The following SNX21 variants were observed in gnomAD, a reference collection of about 807,000 sequenced individuals.
The protein encoded by SNX21 is sorting nexin family member 21, also known as sorting nexin-21.
In SNX21, 36 loss-of-function variants were observed where a neutral mutation model predicts 30.9. That is an observed-to-expected ratio of 1.16 (90% CI 0.89 to 1.54). The LOEUF (loss-of-function observed/expected upper bound fraction) is 1.54. Ranked by LOEUF, SNX21 falls within the 40% of genes most tolerant of loss-of-function variation. The pLI is 0.00. For missense variants in SNX21, 508 were observed against 516.5 expected (o/e 0.98, Z 0.16); for synonymous variants, 218 against 222.7 (o/e 0.98, Z 0.19).
Position 45,840,958 on chromosome 20 carries a change from A to C in SNX21, c.767A>C (p.Tyr256Ser). 6.2e-7 allele frequency: 1 copy of C among 1,610,870 alleles called. No individual in the cohort carries two copies. Among genetic ancestry groups the C allele is most frequent in the South Asian group, 1.1e-5 (1 of 90,896 alleles). Residue 256 changes from tyrosine (Y) to serine (S), a missense_variant, in exon 4 of 4, where the codon TAT (tyrosine) becomes TCT (serine). Coordinates refer to ENST00000491381, the MANE Select transcript of SNX21 (RefSeq NM_033421.4). ...RAQSLTCTGL[Y>S]REALALWANA... ...CAGAGCCTCACCTGTACTGGCCTCT[A>C]TCGTGAGGCTCTGGCACTCTGGGCC...
At position 45,841,318 on chromosome 20, in the gene SNX21, T is replaced by C; in HGVS notation, c.*5T>C. 5.9e-6 allele frequency: 9 copies of C among 1,536,980 alleles called. No individual in the cohort carries two copies. The highest frequency in any genetic ancestry group is 2.1e-5 in the Admixed American group (1 of 46,954). ...ATCAAGGAGGTGCTGGACTAACCCTTGCCTAGATTTAAGGCCACTGTGAGG... is the reference window on the plus strand; with the variant it reads ...ATCAAGGAGGTGCTGGACTAACCCTCGCCTAGATTTAAGGCCACTGTGAGG... On this transcript the variant is annotated 3_prime_UTR_variant, in exon 4 of 4. Transcript: ENST00000491381.
At chr20:45,838,437 C>T (rs1983726376) in intron 3 of SNX21, 1 of 150,446 alleles carries the variant, frequency 6.6e-6, no homozygotes, top group Non-Finnish European at 1.5e-5. Context: ...GAAAGTCTCA[C>T]TTGCCACCGA....
intron 3 of SNX21, chr20:45,840,033 C>T (rs998325191): frequency 4.9e-5 from 26 of 529,864 alleles, no homozygotes; most frequent in South Asian, 8.2e-5. Flanking sequence ...CTGACTTGAC[C>T]GAGCACTTCC....
At chr20:45,839,068 T>A (rs1983784154) in intron 3 of SNX21, among the ~76,000 whole-genome samples, 1 of 152,022 alleles carries the variant, frequency 6.6e-6, no homozygotes, top group East Asian at 2.0e-4. Flanking sequence ...TAATTTTGCA[T>A]TTTTAGTAGA....
rs1984259334 is a variant in SNX21 at position 45,842,292 on chromosome 20, C to A, written c.*979C>A. ...CTCCTCCCACAGGAACCCCAGTTGACAGTTTAAAAGCACTTTCACACCTCT... is the reference window on the plus strand; with the variant it reads ...CTCCTCCCACAGGAACCCCAGTTGAAAGTTTAAAAGCACTTTCACACCTCT... On this transcript the variant is annotated 3_prime_UTR_variant, in exon 4 of 4. Transcript: ENST00000491381. The A allele has an allele frequency of 1.4e-6, 2 of 1,425,988 alleles. No homozygotes were observed. The highest frequency in any genetic ancestry group is 2.9e-5 in the Admixed American group (1 of 33,998). The allele number at this position is 1,425,988 out of a possible 1,614,324, so 88.3% of individuals were successfully genotyped here. A position where few individuals can be genotyped will look rare whatever the true frequency, so the allele number is the denominator to read the frequency against.
Position 45,835,029 on chromosome 20 carries a change from G to C in SNX21, c.360G>C (p.Lys120Asn). The C allele has an allele frequency of 6.2e-7, 1 of 1,614,206 alleles. No individual in the cohort carries two copies. The highest frequency in any genetic ancestry group is 8.5e-7 in the Non-Finnish European group (1 of 1,180,036). Reference sequence around the variant, plus strand: ...CGCGGCAGCTGCAGGATTTCTGGAAGAAGTCCCGGAACACCTTGGCACCCC... The same window carrying C: ...CGCGGCAGCTGCAGGATTTCTGGAACAAGTCCCGGAACACCTTGGCACCCC... ...LLARQLQDFW[K>N]KSRNTLAPQR... Residue 120 changes from lysine (K) to asparagine (N), a missense_variant, in exon 3 of 4, where the codon AAG (lysine) becomes AAC (asparagine). Coordinates refer to ENST00000491381, the MANE Select transcript of SNX21 (RefSeq NM_033421.4).
chr20:45,841,121 G>A lies in SNX21; in HGVS notation c.930G>A (p.Leu310=). 6.2e-7 allele frequency: 1 copy of A among 1,611,206 alleles called. No homozygotes were observed. Among genetic ancestry groups the A allele is most frequent in the Non-Finnish European group, 8.5e-7 (1 of 1,179,132 alleles). Residue 310 remains leucine (L), a synonymous_variant, in exon 4 of 4, where the codon CTG becomes CTA. Coordinates refer to ENST00000491381, the MANE Select transcript of SNX21 (RefSeq NM_033421.4). ...GEARACCEKA[L]QLLGDKSLHP... ...CCCGGGCATGCTGTGAGAAGGCCCTGCAGCTGCTTGGGGACAAGAGCCTCC... is the reference window on the plus strand; with the variant it reads ...CCCGGGCATGCTGTGAGAAGGCCCTACAGCTGCTTGGGGACAAGAGCCTCC...
chr20:45,841,386 C>T lies in SNX21; in HGVS notation c.*73C>T. The T allele has an allele frequency of 2.0e-6, 3 of 1,505,302 alleles. No homozygotes were observed. Among genetic ancestry groups the T allele is most frequent in the Middle Eastern group, 1.8e-4 (1 of 5,568 alleles). The allele number at this position is 1,505,302 out of a possible 1,614,324, so 93.2% of individuals were successfully genotyped here. A position where few individuals can be genotyped will look rare whatever the true frequency, so the allele number is the denominator to read the frequency against. On this transcript the variant is annotated 3_prime_UTR_variant, in exon 4 of 4. Transcript: ENST00000491381. The stretch of plus-strand genomic sequence containing the variant: ...AGGCAGGGGAAGGACCTGATGAGAA[C>T]AGAATAGCTGGGAGGCTGCAGAGGG...
chr20:45,842,667 C>T lies in SNX21; in HGVS notation c.*1354C>T. On this transcript the variant is annotated 3_prime_UTR_variant, in exon 4 of 4. Coordinates refer to ENST00000491381, the MANE Select transcript of SNX21 (RefSeq NM_033421.4). ...CACATAGCAGAGCTCACTCAGTTCTCACAGTAGCCAAATGAAGCAGTTATG... is the reference window on the plus strand; with the variant it reads ...CACATAGCAGAGCTCACTCAGTTCTTACAGTAGCCAAATGAAGCAGTTATG... 1.0e-6 allele frequency: 1 copy of T among 989,686 alleles called. No homozygotes were observed. Among genetic ancestry groups the T allele is most frequent in the Non-Finnish European group, 1.2e-6 (1 of 832,512 alleles). The allele number at this position is 989,686 out of a possible 1,614,324, so 61.3% of individuals were successfully genotyped here.
chr20:45,841,892 A>G lies in SNX21; in HGVS notation c.*579A>G. 6.2e-7 allele frequency: 1 copy of G among 1,612,010 alleles called. No homozygotes were observed. On this transcript the variant is annotated 3_prime_UTR_variant, in exon 4 of 4. Transcript: ENST00000491381. ...TCACTCGGATCACGCCCTCCTGGGCACAGGTCACAGCTAGGACTCCATCCT... is the reference window on the plus strand; with the variant it reads ...TCACTCGGATCACGCCCTCCTGGGCGCAGGTCACAGCTAGGACTCCATCCT...
chr20:45,836,927 A>G (rs1983597117), intron 3 of SNX21, among the ~76,000 whole-genome samples: 1 of 152,162 alleles, frequency 6.6e-6, no homozygotes, highest in South Asian at 2.1e-4. Context: ...AATCAGATCA[A>G]CCTGAGTTTA....
At chr20:45,836,079 T>C (rs1209737871) in intron 3 of SNX21, among the ~76,000 whole-genome samples, 1 of 152,216 alleles carries the variant, frequency 6.6e-6, no homozygotes, top group Non-Finnish European at 1.5e-5. Flanking sequence ...GGAGGGGGCC[T>C]GGAGCCCAGT....
At chr20:45,834,920 G>C (rs775021044) in intron 2 of SNX21, 39 bp from the exon 3 acceptor site, 1 of 1,600,364 alleles carries the variant, frequency 6.2e-7, no homozygotes, top group Admixed American at 1.7e-5. Context: ...GTCGACCCTG[G>C]CCCTAGGCCC....
rs1203781084 is a variant in SNX21, at chr20:45,843,212, G to A, written c.*1899G>A. 4.0e-6 allele frequency: 2 copies of A among 501,008 alleles called. No individual in the cohort carries two copies. The highest frequency in any genetic ancestry group is 7.1e-6 in the Non-Finnish European group (2 of 281,170). 31.0% of individuals were successfully genotyped at this position (501,008 alleles called of 1,614,324 possible). A position where few individuals can be genotyped will look rare whatever the true frequency, so the allele number is the denominator to read the frequency against. On this transcript the variant is annotated 3_prime_UTR_variant, in exon 4 of 4. Coordinates refer to ENST00000491381, the MANE Select transcript of SNX21 (RefSeq NM_033421.4). ...GTAATGTAACCCTCTTTGTTTAGAT[G>A]AGGAAACTGAGGTTCAGATGGAAGA...
Position 45,841,873 on chromosome 20 carries a change from G to A in SNX21, c.*560G>A, listed in dbSNP as rs143518276. 6.8e-6 allele frequency: 11 copies of A among 1,608,902 alleles called. No individual in the cohort carries two copies. Among genetic ancestry groups the A allele is most frequent in the African/African-American group, 1.3e-5 (1 of 74,870 alleles). On this transcript the variant is annotated 3_prime_UTR_variant, in exon 4 of 4. Coordinates refer to ENST00000491381, the MANE Select transcript of SNX21 (RefSeq NM_033421.4). ...CTCTCTGAGACCTGGGGCTTCACTC[G>A]GATCACGCCCTCCTGGGCACAGGTC...
At position 45,840,659 on chromosome 20, in the gene SNX21, C is replaced by A. The variant is rs756609480; in HGVS notation, c.468C>A (p.Ile156=). ...TGCAGCTCTACACCCTCGCCGTGATCGGCCCAGGACCGCCAGATTGCCAGC... is the reference window on the plus strand; with the variant it reads ...TGCAGCTCTACACCCTCGCCGTGATAGGCCCAGGACCGCCAGATTGCCAGC... The part of the protein sequence containing the change: ...SKYVLYTLAV[I]GPGPPDCQPA... The change falls in exon 4 of 4, where the codon ATC becomes ATA. Residue 156 remains isoleucine (I), a synonymous_variant. Transcript: ENST00000491381. 1 of 1,614,156 alleles carries A rather than the reference C, an allele frequency of 6.2e-7. No homozygotes were observed. Among genetic ancestry groups the A allele is most frequent in the Admixed American group, 1.7e-5 (1 of 60,030 alleles).
chr20:45,841,444 T>C lies in SNX21; in HGVS notation c.*131T>C. 6.9e-7 allele frequency: 1 copy of C among 1,445,652 alleles called. No homozygotes were observed. The highest frequency in any genetic ancestry group is 2.5e-5 in the East Asian group (1 of 40,216). The allele number at this position is 1,445,652 out of a possible 1,614,324, so 89.6% of individuals were successfully genotyped here. A position where few individuals can be genotyped will look rare whatever the true frequency, so the allele number is the denominator to read the frequency against. ...AGCCCCTAGAAGTTCCAAAAGAGAATGTGAAGCAGATCAAGGAAACTTCTG... is the reference window on the plus strand; with the variant it reads ...AGCCCCTAGAAGTTCCAAAAGAGAACGTGAAGCAGATCAAGGAAACTTCTG... On this transcript the variant is annotated 3_prime_UTR_variant, in exon 4 of 4. Coordinates refer to ENST00000491381, the MANE Select transcript of SNX21 (RefSeq NM_033421.4).
In SNX21 at chr20:45,841,139, G is replaced by T. The variant is rs140975852; in HGVS notation, c.948G>T (p.Lys316Asn). The change falls in exon 4 of 4, where the codon AAG becomes AAT. Residue 316 changes from lysine to asparagine, a missense_variant. Physicochemically the swap from Lys to Asn is moderately conservative, Grantham distance 94. Coordinates refer to ENST00000491381, the MANE Select transcript of SNX21 (RefSeq NM_033421.4). ...AGGCCCTGCAGCTGCTTGGGGACAA[G>T]AGCCTCCACCCTTTGCTGGCACCCT... is the stretch of plus-strand genomic sequence containing the variant. ...CEKALQLLGD[K>N]SLHPLLAPFL... 2 of 1,612,932 alleles carry T rather than the reference G, an allele frequency of 1.2e-6. No individual in the cohort carries two copies. Among genetic ancestry groups the T allele is most frequent in the Non-Finnish European group, 8.5e-7 (1 of 1,179,672 alleles).
In SNX21 at chr20:45,842,119, G is replaced by A. The variant is rs1276608120; in HGVS notation, c.*806G>A. On this transcript the variant is annotated 3_prime_UTR_variant, in exon 4 of 4. Coordinates refer to ENST00000491381, the MANE Select transcript of SNX21 (RefSeq NM_033421.4). ...GCCTCCTGAGCAGCTGGGATTACAG[G>A]CGCACATCACCATGCCCAACCTCCA... 6.5e-7 allele frequency: 1 copy of A among 1,533,658 alleles called. No homozygotes were observed.
Sources: gnomAD v4.1 joint callset for allele counts (sites outside exome capture counted in the v4.1 genomes callset) on GRCh38, gnomAD v4.1.1 for gene constraint, MANE v1.5 for transcripts, NCBI Gene and HGNC (gene_info 2026-07-23, HGNC 2026-07-21) for gene names.